The following WDR88 variants were observed in gnomAD, a reference collection of about 807,000 sequenced individuals.
WDR88 encodes WD repeat domain 88.
In WDR88, 40 loss-of-function variants were observed where a neutral mutation model predicts 46.8. The ratio of observed to expected loss-of-function variants is 0.86; its 90% CI spans 0.66 to 1.11. WDR88 has a LOEUF of 1.11. WDR88 is among the 50% of genes most tolerant of loss of function. The pLI is 0.00. For missense variants in WDR88, 562 were observed against 602.4 expected (o/e 0.93, Z 0.70); for synonymous variants, 235 against 240.7 (o/e 0.98, Z 0.22).
chr19:33,151,454 G>A, intron 6 of WDR88, 144 bp downstream of exon 6: 1 of 1,018,722 alleles, frequency 9.8e-7, no homozygotes, highest in Non-Finnish European at 1.4e-6. Flanking sequence ...GGACAGGCAG[G>A]CAGGAGGGAG....
At position 33,164,274 on chromosome 19, in the gene WDR88, GGTCAA is replaced by G; in HGVS notation, c.1149+11_1149+15del. 6.2e-7 allele frequency: 1 copy of G among 1,612,928 alleles called. No homozygotes were observed. ...TCCTGTCTGCTTCCAAGGTAAAAGT[GGTCAA>G]GCTTACAATATCGATCACGTTCGCC... On this transcript the variant is annotated intron_variant, in intron 9 of 10. Transcript: ENST00000355868.
Position 33,168,189 on chromosome 19 carries a change from G to A in WDR88, c.1149+3924G>A, listed in dbSNP as rs113983374. 3.9e-3 allele frequency among the ~76,000 whole-genome samples: 585 copies of A among 151,948 alleles called. 2 individuals are homozygous for A. Among genetic ancestry groups the A allele is most frequent in the African/African-American group, 0.013 (555 of 41,414 alleles). ...ATTACAGGCATGTGCCACCATGCTC[G>A]GCTAATTTTTGCATTTTTACTAGAG... On this transcript the variant is annotated intron_variant, in intron 9 of 10. Coordinates refer to ENST00000355868, the MANE Select transcript of WDR88 (RefSeq NM_173479.4).
rs745987290 is a variant in WDR88, at chr19:33,141,227, G to GTTTTTTTTTTTTTTTTTTTTTTTTT, written c.387+3453_387+3454insTTTTTTTTTTTTTTTTTTTTTTTTT. Among the ~76,000 whole-genome samples the GTTTTTTTTTTTTTTTTTTTTTTTTT allele has an allele frequency of 1.4e-4, 16 of 113,398 alleles. 3 individuals carry two copies. Among genetic ancestry groups the GTTTTTTTTTTTTTTTTTTTTTTTTT allele is most frequent in the African/African-American group, 6.5e-4 (16 of 24,460 alleles). The allele number at this position is 113,398 out of a possible 152,430, so 74.4% of individuals were successfully genotyped here. ...GCTGGGATTACAGGTGTGGGAGCATGTTTTTTTTTTTTTCTTTTTTGACAC... is the reference window on the plus strand; with the variant it reads ...GCTGGGATTACAGGTGTGGGAGCATGTTTTTTTTTTTTTTTTTTTTTTTTTTTTTTTTTTTTTTCTTTTTTGACAC... On this transcript the variant is annotated intron_variant, in intron 2 of 10. Transcript: ENST00000355868.
chr19:33,147,669 G>C lies in WDR88; in HGVS notation c.501G>C (p.Lys167Asn), dbSNP rs753316645. Reference sequence around the variant, plus strand: ...GAGTCATTGCCGCATCCTATGATAAGACAGTGAGGGCCTGGGACCTGGAGA... The same window carrying C: ...GAGTCATTGCCGCATCCTATGATAACACAGTGAGGGCCTGGGACCTGGAGA... ...SSRVIAASYD[K>N]TVRAWDLETG... The change falls in exon 4 of 11, where the codon AAG becomes AAC. Residue 167 changes from lysine (K) to asparagine (N), a missense_variant. Transcript: ENST00000355868. 2 of 1,614,004 alleles carry C rather than the reference G, an allele frequency of 1.2e-6. No individual in the cohort carries two copies. Among genetic ancestry groups the C allele is most frequent in the South Asian group, 2.2e-5 (2 of 91,062 alleles).
rs1370559897 is a variant in WDR88, at chr19:33,147,728, G to A, written c.540+20G>A. On this transcript the variant is annotated intron_variant, in intron 4 of 10. Transcript: ENST00000355868. ...CTGCTGGTACGTATGCCTGTCCAGT[G>A]GGGGCGTTGGTTGCAGCCCAGGGGC... The A allele has an allele frequency of 6.2e-7, 1 of 1,612,854 alleles. No individual in the cohort carries two copies. The highest frequency in any genetic ancestry group is 8.5e-7 in the Non-Finnish European group (1 of 1,179,336).
At chr19:33,149,651 C>T (rs1051880069) in intron 5 of WDR88, among the ~76,000 whole-genome samples, 4 of 150,778 alleles carry the variant, frequency 2.7e-5, no homozygotes, top group African/African-American at 9.9e-5. Context: ...CCCGGCCTAC[C>T]TGTATCTTTT....
intron 5 of WDR88, 43 bp downstream of exon 5, chr19:33,148,953 A>G (rs1469336734): frequency 1.2e-6 from 2 of 1,612,004 alleles, no homozygotes; most frequent in African/African-American, 2.7e-5. Flanking sequence ...CTGCCATAGG[A>G]ATAGCCACTT....
chr19:33,169,564 G>T (rs905808080), intron 9 of WDR88, among the ~76,000 whole-genome samples: 1 of 151,344 alleles, frequency 6.6e-6, no homozygotes, highest in South Asian at 2.1e-4. Flanking sequence ...CTATTAGGGG[G>T]TCTATAATAA....
rs1002945349 is a variant in WDR88, at chr19:33,151,302, C to T, written c.801C>T (p.Thr267=). 6.2e-7 allele frequency: 1 copy of T among 1,612,890 alleles called. No homozygotes were observed. The highest frequency in any genetic ancestry group is 8.5e-7 in the Non-Finnish European group (1 of 1,179,566). Residue 267 remains threonine, a synonymous_variant, in exon 6 of 11, where the codon ACC becomes ACT. Transcript: ENST00000355868. The part of the protein sequence containing the change: ...WDVTSQATLL[T]ITKAHSNAIS... ...TTACATCCCAGGCCACGCTGCTCAC[C>T]ATCACTAAGTGAGTTGGACCCCAGG...
chr19:33,162,324 C>T (rs1195495231), intron 8 of WDR88, among the ~76,000 whole-genome samples: 3 of 152,106 alleles, frequency 2.0e-5, no homozygotes, highest in African/African-American at 7.2e-5. Flanking sequence ...CCTCAGCCTC[C>T]TGAGTAGCTG....
chr19:33,157,599 ATATG>A (rs1973768379), intron 7 of WDR88, among the ~76,000 whole-genome samples: 2 of 144,482 alleles, frequency 1.4e-5, no homozygotes, highest in South Asian at 4.3e-4. Flanking sequence ...ATATGTGTAT[ATATG>A]TATATATATG....
chr19:33,149,349 A>T (rs900552291), intron 5 of WDR88, among the ~76,000 whole-genome samples: 6 of 151,734 alleles, frequency 4.0e-5, no homozygotes, highest in Non-Finnish European at 5.9e-5. Flanking sequence ...AACAAAAAAC[A>T]AACAAACAAA....
intron 5 of WDR88, among the ~76,000 whole-genome samples, chr19:33,149,637 C>T (rs921969277): frequency 5.3e-5 from 8 of 151,758 alleles, no homozygotes; most frequent in African/African-American, 1.7e-4. Context: ...GAGAAGCCCC[C>T]TCACCCGGCC....
At chr19:33,164,972 C>A (rs1973929781) in intron 9 of WDR88, among the ~76,000 whole-genome samples, 1 of 151,838 alleles carries the variant, frequency 6.6e-6, no homozygotes, top group African/African-American at 2.4e-5. Context: ...ATGGTCCCAT[C>A]TGGGGGTGAT....
chr19:33,165,613 C>T (rs1456916440), intron 9 of WDR88, among the ~76,000 whole-genome samples: 1 of 152,106 alleles, frequency 6.6e-6, no homozygotes, highest in Non-Finnish European at 1.5e-5. Flanking sequence ...AAAATATTGG[C>T]CAGGTGAAGT....
At chr19:33,172,252 C>G in intron 9 of WDR88, 96 bp from the exon 10 acceptor site, 1 of 1,045,892 alleles carries the variant, frequency 9.6e-7, no homozygotes, top group Non-Finnish European at 1.4e-6. Flanking sequence ...TCTTTTTGTG[C>G]CTTGACAGCC....
chr19:33,159,681 C>A (rs966025274), intron 7 of WDR88, among the ~76,000 whole-genome samples: 1 of 152,110 alleles, frequency 6.6e-6, no homozygotes, highest in East Asian at 1.9e-4. Flanking sequence ...TCAGTGTCTG[C>A]AAAAACTGCA....
intron 2 of WDR88, among the ~76,000 whole-genome samples, chr19:33,143,189 G>A (rs1973436339): frequency 6.6e-6 from 1 of 151,634 alleles, no homozygotes; most frequent in Admixed American, 6.6e-5. Flanking sequence ...TAAAAAATTA[G>A]CCAGGCATGG....
At position 33,157,605 on chromosome 19, in the gene WDR88, A is replaced by G. The variant is rs1473221820; in HGVS notation, c.997+1063A>G. ...TATATGTATATATGTGTATATATGTATATATATGTGTATATATATATGTAT... is the reference window on the plus strand; with the variant it reads ...TATATGTATATATGTGTATATATGTGTATATATGTGTATATATATATGTAT... On this transcript the variant is annotated intron_variant, in intron 7 of 10. Coordinates refer to ENST00000355868, the MANE Select transcript of WDR88 (RefSeq NM_173479.4). 3.2e-4 allele frequency among the ~76,000 whole-genome samples: 45 copies of G among 141,798 alleles called. 1 individual carries two copies. Among genetic ancestry groups the G allele is most frequent in the African/African-American group, 9.0e-4 (35 of 39,018 alleles). 93.0% of individuals were successfully genotyped at this position (141,798 alleles called of 152,430 possible). A position where few individuals can be genotyped will look rare whatever the true frequency, so the allele number is the denominator to read the frequency against.
Sources: gnomAD v4.1 joint callset for allele counts (sites outside exome capture counted in the v4.1 genomes callset) on GRCh38, gnomAD v4.1.1 for gene constraint, MANE v1.5 for transcripts, NCBI Gene and HGNC (gene_info 2026-07-23, HGNC 2026-07-21) for gene names.